Variants in DNAH11 observed in about 807,000 individuals in gnomAD.
The protein encoded by DNAH11 is axonemal beta dynein heavy chain 11.
A neutral mutation model predicts 526.0 loss-of-function variants in DNAH11; 442 were observed. That is an observed-to-expected ratio of 0.84 (90% CI 0.78 to 0.91). The LOEUF is 0.91. Among genes scored for constraint, DNAH11 ranks in the 40% least tolerant of loss-of-function variants. DNAH11 has a pLI of 0.00. For synonymous variants in DNAH11, 2,461 were observed against 1,935.9 expected, an observed-to-expected ratio of 1.27 and a Z score of -7.12; for missense variants, 6,989 against 5,448.7, an observed-to-expected ratio of 1.28 and a Z score of -8.90.
chr7:21,868,077 C>T, intron 72 of DNAH11, 70 bp downstream of exon 72: 1 of 1,247,142 alleles, frequency 8.0e-7, no homozygotes, highest in Non-Finnish European at 1.0e-6. Flanking sequence ...CCCTGCCCTT[C>T]TTTTCAGTTC....
chr7:21,886,918 C>T (rs1784144704), intron 76 of DNAH11, among the ~76,000 whole-genome samples: 1 of 152,188 alleles, frequency 6.6e-6, no homozygotes, highest in South Asian at 2.1e-4. Flanking sequence ...GAGGTACCTC[C>T]TCAACTCACC....
chr7:21,848,854 A>G (rs558553718), intron 66 of DNAH11, among the ~76,000 whole-genome samples: 2 of 152,152 alleles, frequency 1.3e-5, no homozygotes, highest in South Asian at 4.2e-4. Flanking sequence ...AGCATTTGCA[A>G]TATACATTTA....
chr7:21,867,183 G>C (rs753631288), intron 71 of DNAH11, among the ~76,000 whole-genome samples: 2 of 152,104 alleles, frequency 1.3e-5, no homozygotes, highest in African/African-American at 2.4e-5. Context: ...CTTCTAAATG[G>C]TAATGTGCTG....
intron 54 of DNAH11, among the ~76,000 whole-genome samples, chr7:21,756,756 A>G (rs542569164): frequency 6.6e-6 from 1 of 152,126 alleles, no homozygotes; most frequent in Non-Finnish European, 1.5e-5. Context: ...GAACTTTAAA[A>G]TCACTTTGCT....
intron 28 of DNAH11, among the ~76,000 whole-genome samples, chr7:21,646,321 G>A (rs987102878): frequency 1.3e-5 from 2 of 152,168 alleles, no homozygotes; most frequent in Non-Finnish European, 2.9e-5. Flanking sequence ...ATGAAAAACA[G>A]CAGCTTTCTA....
chr7:21,836,216 C>T (rs1408028606), intron 65 of DNAH11, among the ~76,000 whole-genome samples: 1 of 152,030 alleles, frequency 6.6e-6, no homozygotes, highest in East Asian at 1.9e-4. Context: ...TATGAAAATA[C>T]CAACGACATT....
intron 24 of DNAH11, among the ~76,000 whole-genome samples, 157 bp downstream of exon 24, chr7:21,619,379 T>C (rs1785934410): frequency 6.6e-6 from 1 of 152,182 alleles, no homozygotes; most frequent in Non-Finnish European, 1.5e-5. Context: ...GAGCAGGAAC[T>C]AGAATCATTC....
Position 21,867,094 on chromosome 7 carries a change from C to T in DNAH11, c.11690+431C>T, listed in dbSNP as rs574780359. On this transcript the variant is annotated intron_variant, in intron 71 of 81. Transcript: ENST00000409508. ...ATGGAGTCACTCATAGTCCCTATAA[C>T]TTTACAACCAATGCAGTTTCAAAGC... Among the ~76,000 whole-genome samples the T allele has an allele frequency of 1.5e-3, 235 of 152,320 alleles. 4 individuals carry two copies. Among genetic ancestry groups the T allele is most frequent in the African/African-American group, 5.4e-3 (225 of 41,566 alleles).
At position 21,739,673 on chromosome 7, in the gene DNAH11, G is replaced by A; in HGVS notation, c.7914G>A (p.Gln2638=). The change falls in exon 48 of 82, where the codon CAG becomes CAA. Residue 2638 remains glutamine, a splice_region_variant and synonymous_variant. Coordinates refer to ENST00000409508, the MANE Select transcript of DNAH11 (RefSeq NM_001277115.2). The part of the protein sequence containing the change: ...VGSFTINPRL[Q]RHFTVFAFNF... ...GCTTCACCATCAATCCCAGGCTACAGGTAGGGTGTTGAATACTGCTCTCAA... is the reference window on the plus strand; with the variant it reads ...GCTTCACCATCAATCCCAGGCTACAAGTAGGGTGTTGAATACTGCTCTCAA... 6.2e-7 allele frequency: 1 copy of A among 1,610,238 alleles called. No homozygotes were observed. The highest frequency in any genetic ancestry group is 8.5e-7 in the Non-Finnish European group (1 of 1,177,522).
At chr7:21,585,644 A>C (rs916788345) in intron 9 of DNAH11, among the ~76,000 whole-genome samples, 2 of 152,098 alleles carry the variant, frequency 1.3e-5, no homozygotes, top group Non-Finnish European at 2.9e-5. Flanking sequence ...CGAAGTGTGT[A>C]AAAAAAATTG....
chr7:21,760,300 G>T (rs1210755531), intron 54 of DNAH11, among the ~76,000 whole-genome samples: 1 of 152,146 alleles, frequency 6.6e-6, no homozygotes, highest in Non-Finnish European at 1.5e-5. Flanking sequence ...ATAATAAGGA[G>T]ACGCACACAC....
intron 65 of DNAH11, among the ~76,000 whole-genome samples, chr7:21,828,642 ATTGTCT>A (rs1443760511): frequency 1.3e-5 from 2 of 151,870 alleles, no homozygotes; most frequent in Non-Finnish European, 1.5e-5. Context: ...AACAAATGAA[ATTGTCT>A]TTGTTTTTGA....
intron 71 of DNAH11, 28 bp downstream of exon 71, chr7:21,866,691 T>C (rs1454100458): frequency 1.3e-6 from 2 of 1,585,178 alleles, no homozygotes; most frequent in African/African-American, 2.7e-5. Context: ...TTTGGAAACA[T>C]GTATTAGTTA....
chr7:21,825,803 C>G (rs1554285568), intron 65 of DNAH11, among the ~76,000 whole-genome samples: 2 of 151,770 alleles, frequency 1.3e-5, no homozygotes, highest in South Asian at 4.2e-4. Context: ...ACTAAAAATA[C>G]AAAAAATTAG....
intron 45 of DNAH11, among the ~76,000 whole-genome samples, chr7:21,727,255 T>C (rs1785166960): frequency 6.6e-6 from 1 of 152,118 alleles, no homozygotes; most frequent in Non-Finnish European, 1.5e-5. Flanking sequence ...TTTTAAAAAA[T>C]ATAACAACTT....
chr7:21,606,932 A>G (rs1417634389), intron 20 of DNAH11, among the ~76,000 whole-genome samples, 199 bp downstream of exon 20: 1 of 152,078 alleles, frequency 6.6e-6, no homozygotes, highest in Admixed American at 6.6e-5. Flanking sequence ...CATCATCGTC[A>G]TTGTATTAGG....
At chr7:21,681,827 G>T (rs1449390616) in intron 31 of DNAH11, 150 bp downstream of exon 31, 1 of 1,018,848 alleles carries the variant, frequency 9.8e-7, no homozygotes, top group Non-Finnish European at 1.5e-6. Flanking sequence ...GGGTGCATTT[G>T]ATTTTGGTTA....
At chr7:21,716,505 T>C (rs1361004181) in intron 42 of DNAH11, among the ~76,000 whole-genome samples, 3 of 152,170 alleles carry the variant, frequency 2.0e-5, no homozygotes, top group African/African-American at 4.8e-5. Context: ...ATTTAAAAAA[T>C]GGTGGAACCA....
At chr7:21,833,461 A>C (rs2128010185) in intron 65 of DNAH11, among the ~76,000 whole-genome samples, 1 of 152,206 alleles carries the variant, frequency 6.6e-6, no homozygotes, top group Non-Finnish European at 1.5e-5. Context: ...GGGAAGCCAA[A>C]GTGGATGGAT....
Sources: gnomAD v4.1 joint callset for allele counts (sites outside exome capture counted in the v4.1 genomes callset) on GRCh38, gnomAD v4.1.1 for gene constraint, MANE v1.5 for transcripts, NCBI Gene and HGNC (gene_info 2026-07-23, HGNC 2026-07-21) for gene names.